The following CSMD1 variants were observed in gnomAD, a reference collection of about 807,000 sequenced individuals.
CSMD1 encodes the protein CUB and sushi domain-containing protein 1.
In CSMD1, 213 loss-of-function variants were observed where a neutral mutation model predicts 417.5. The ratio of observed to expected loss-of-function variants is 0.51; its 90% CI spans 0.46 to 0.57. CSMD1 has a LOEUF of 0.57. Among genes scored for constraint, CSMD1 ranks in the 20% least tolerant of loss-of-function variants. CSMD1 has a pLI of 0.00. For missense variants in CSMD1, 6,923 were observed against 4,529.7 expected (o/e 1.53, Z -15.17); for synonymous variants, 2,862 against 1,736.8 (o/e 1.65, Z -16.11).
intron 2 of CSMD1, among the ~76,000 whole-genome samples, chr8:4,453,034 AG>A (rs1473864866): frequency 1.3e-5 from 2 of 152,186 alleles, no homozygotes; most frequent in African/African-American, 4.8e-5. Flanking sequence ...GGGACAACTT[AG>A]ATTTTCAAGC....
At position 3,674,907 on chromosome 8, in the gene CSMD1, G is replaced by C. The variant is rs189605354; in HGVS notation, c.1009+33507C>G. ...CGTAAGACTTGTTTATATCCTGGAA[G>C]ATAATGAACTTATGCAACACGTCAC... On this transcript the variant is annotated intron_variant, in intron 7 of 69. Coordinates refer to ENST00000635120, the MANE Select transcript of CSMD1 (RefSeq NM_033225.6). Among the ~76,000 whole-genome samples, 126 of 152,296 alleles carry C rather than the reference G, an allele frequency of 8.3e-4. 2 individuals are homozygous for C. Among genetic ancestry groups the C allele is most frequent in the Admixed American group, 2.1e-3 (32 of 15,294 alleles).
intron 3 of CSMD1, among the ~76,000 whole-genome samples, chr8:4,413,046 G>C (rs1258311271): frequency 6.6e-6 from 1 of 151,856 alleles, no homozygotes; most frequent in Non-Finnish European, 1.5e-5. Flanking sequence ...CAGAAAAATA[G>C]ACTTACAAAA....
chr8:3,853,481 C>T (rs941786012), intron 5 of CSMD1, among the ~76,000 whole-genome samples: 2 of 152,134 alleles, frequency 1.3e-5, no homozygotes, highest in African/African-American at 2.4e-5. Context: ...TCTTTGTCTA[C>T]GTTGTTCACA....
chr8:4,470,062 G>C (rs1376902648), intron 2 of CSMD1, among the ~76,000 whole-genome samples: 4 of 151,800 alleles, frequency 2.6e-5, no homozygotes, highest in Non-Finnish European at 4.4e-5. Context: ...AGTAGAGATG[G>C]GGTTTCACCG....
intron 23 of CSMD1, among the ~76,000 whole-genome samples, chr8:3,327,452 T>C (rs60142508): frequency 6.6e-6 from 1 of 152,340 alleles, no homozygotes; most frequent in East Asian, 1.9e-4. Flanking sequence ...ATCTTTTTTA[T>C]AGCACAGAAA....
At chr8:4,362,289 C>T (rs1474522465) in intron 3 of CSMD1, among the ~76,000 whole-genome samples, 3 of 152,104 alleles carry the variant, frequency 2.0e-5, no homozygotes, top group Non-Finnish European at 4.4e-5. Context: ...TGGACTCCTC[C>T]TCCTTCAGGT....
intron 7 of CSMD1, among the ~76,000 whole-genome samples, chr8:3,626,816 A>G (rs1796513152): frequency 1.3e-5 from 2 of 149,876 alleles, no homozygotes; most frequent in Admixed American, 1.3e-4. Flanking sequence ...TATACTAAAT[A>G]TAATTTATAT....
chr8:4,164,646 C>T (rs184295784), intron 3 of CSMD1, among the ~76,000 whole-genome samples: 54 of 152,214 alleles, frequency 3.5e-4, no homozygotes, highest in Admixed American at 9.2e-4. Context: ...TTGAGTCCCT[C>T]ACACAAGACA....
chr8:3,152,788 T>C (rs1173290396), intron 39 of CSMD1, among the ~76,000 whole-genome samples: 1 of 152,228 alleles, frequency 6.6e-6, no homozygotes, highest in African/African-American at 2.4e-5. Flanking sequence ...GACTAGGCAT[T>C]TGCAAGGCCA....
chr8:3,378,209 A>G (rs1019686406), intron 18 of CSMD1, among the ~76,000 whole-genome samples: 1 of 152,236 alleles, frequency 6.6e-6, no homozygotes, highest in Non-Finnish European at 1.5e-5. Context: ...GAAGAAGTCG[A>G]ATCCCTGAAT....
intron 3 of CSMD1, among the ~76,000 whole-genome samples, chr8:4,060,447 G>A (rs1200395657): frequency 2.0e-5 from 3 of 152,090 alleles, no homozygotes; most frequent in South Asian, 4.1e-4. Flanking sequence ...TGGCCATATT[G>A]GTGAATTTCT....
chr8:3,420,074 T>G (rs1400961843), intron 12 of CSMD1, among the ~76,000 whole-genome samples: 1 of 152,184 alleles, frequency 6.6e-6, no homozygotes, highest in Non-Finnish European at 1.5e-5. Context: ...ATCTCTTTGC[T>G]ATTATTATTA....
At chr8:3,963,558 A>T (rs913988341) in intron 5 of CSMD1, among the ~76,000 whole-genome samples, 7 of 152,338 alleles carry the variant, frequency 4.6e-5, no homozygotes, top group Admixed American at 4.6e-4. Context: ...TCGTATTTCA[A>T]TTTAAAAATA....
chr8:4,274,195 C>G (rs1796336686), intron 3 of CSMD1, among the ~76,000 whole-genome samples: 1 of 152,052 alleles, frequency 6.6e-6, no homozygotes, highest in African/African-American at 2.4e-5. Flanking sequence ...AAAGCAGAAC[C>G]AGAGAAGAAA....
chr8:3,604,516 T>C (rs1435591105), intron 8 of CSMD1, among the ~76,000 whole-genome samples: 1 of 152,044 alleles, frequency 6.6e-6, no homozygotes, highest in African/African-American at 2.4e-5. Context: ...GGAGAGCCAA[T>C]ACCACATAGG....
chr8:4,285,849 G>A (rs1467801798), intron 3 of CSMD1, among the ~76,000 whole-genome samples: 2 of 152,120 alleles, frequency 1.3e-5, no homozygotes, highest in African/African-American at 4.8e-5. Flanking sequence ...TTTTAATCAG[G>A]AACAAAATCT....
intron 7 of CSMD1, among the ~76,000 whole-genome samples, chr8:3,659,849 T>C (rs1798322100): frequency 6.6e-6 from 1 of 152,156 alleles, no homozygotes; most frequent in South Asian, 2.1e-4. Context: ...GACTATACAA[T>C]TTCAACTTCT....
intron 7 of CSMD1, among the ~76,000 whole-genome samples, chr8:3,687,792 T>C (rs2129031429): frequency 6.6e-6 from 1 of 152,292 alleles, no homozygotes; most frequent in Admixed American, 6.5e-5. Flanking sequence ...CACTTGATCT[T>C]TGCTCCACTT....
intron 6 of CSMD1, among the ~76,000 whole-genome samples, chr8:3,723,125 A>G (rs1224406905): frequency 3.9e-5 from 6 of 152,130 alleles, no homozygotes; most frequent in African/African-American, 7.2e-5. Context: ...GTGAAGTCCA[A>G]TTCGGTGGTT....
Sources: gnomAD v4.1 joint callset for allele counts (sites outside exome capture counted in the v4.1 genomes callset) on GRCh38, gnomAD v4.1.1 for gene constraint, MANE v1.5 for transcripts, NCBI Gene and HGNC (gene_info 2026-07-23, HGNC 2026-07-21) for gene names.